Variants in CDKAL1 observed in about 807,000 individuals in gnomAD.
The protein encoded by CDKAL1 is threonylcarbamoyladenosine tRNA methylthiotransferase.
Under a neutral mutation model 68.2 loss-of-function variants are expected in CDKAL1, and 32 were observed. That is an observed-to-expected ratio of 0.47 (90% CI 0.35 to 0.63). The LOEUF (loss-of-function observed/expected upper bound fraction) is 0.63. Among genes scored for constraint, CDKAL1 ranks in the 30% least tolerant of loss-of-function variants. The pLI is 0.00. For synonymous variants in CDKAL1, 234 were observed against 244.3 expected (o/e 0.96, Z 0.39); for missense variants, 606 against 696.7 (o/e 0.87, Z 1.47).
intron 13 of CDKAL1, among the ~76,000 whole-genome samples, chr6:21,127,024 G>C (rs1775047303): frequency 6.6e-6 from 1 of 152,180 alleles, no homozygotes; most frequent in African/African-American, 2.4e-5. Flanking sequence ...ACGAAGAAGA[G>C]AGATGGCATC....
intron 10 of CDKAL1, among the ~76,000 whole-genome samples, chr6:20,973,539 G>A (rs898862312): frequency 1.3e-5 from 2 of 152,180 alleles, no homozygotes; most frequent in African/African-American, 4.8e-5. Flanking sequence ...GTTCACTGGG[G>A]TCTCTGCTTC....
intron 13 of CDKAL1, among the ~76,000 whole-genome samples, chr6:21,178,668 C>G (rs80236496): frequency 6.6e-6 from 1 of 152,192 alleles, no homozygotes; most frequent in Non-Finnish European, 1.5e-5. Context: ...AACTTAGTCT[C>G]TTGTACCACA....
chr6:20,556,174 G>T (rs963026095), intron 4 of CDKAL1, among the ~76,000 whole-genome samples: 2 of 151,944 alleles, frequency 1.3e-5, no homozygotes, highest in Non-Finnish European at 2.9e-5. Flanking sequence ...AGACCAGCCT[G>T]GCCAACATGG....
At chr6:20,916,155 A>T (rs934989076) in intron 9 of CDKAL1, among the ~76,000 whole-genome samples, 4 of 152,236 alleles carry the variant, frequency 2.6e-5, no homozygotes, top group Non-Finnish European at 5.9e-5. Context: ...ATAGAACCAC[A>T]GTCCCTTTCT....
chr6:21,190,592 C>A (rs886819141), intron 13 of CDKAL1, among the ~76,000 whole-genome samples: 1 of 152,292 alleles, frequency 6.6e-6, no homozygotes, highest in African/African-American at 2.4e-5. Flanking sequence ...GTCTTGAACT[C>A]CTGACCTCAG....
chr6:21,050,988 TA>T (rs1454221701), intron 11 of CDKAL1, among the ~76,000 whole-genome samples: 2 of 152,252 alleles, frequency 1.3e-5, no homozygotes, highest in Non-Finnish European at 2.9e-5. Context: ...CATGTATTTT[TA>T]TTATATTCAG....
chr6:20,643,891 C>T (rs1018451203), intron 4 of CDKAL1, among the ~76,000 whole-genome samples: 1 of 152,128 alleles, frequency 6.6e-6, no homozygotes, highest in Non-Finnish European at 1.5e-5. Context: ...GTGGTGCAAT[C>T]ACAGTTCACT....
intron 5 of CDKAL1, among the ~76,000 whole-genome samples, chr6:20,684,139 A>G (rs1770509999): frequency 6.6e-6 from 1 of 152,184 alleles, no homozygotes; most frequent in Non-Finnish European, 1.5e-5. Flanking sequence ...AGTTTTGGCA[A>G]TTATGAATAA....
intron 11 of CDKAL1, among the ~76,000 whole-genome samples, chr6:21,009,760 G>A (rs183488285): frequency 3.3e-5 from 5 of 152,256 alleles, no homozygotes; most frequent in African/African-American, 4.8e-5. Context: ...GACAAATACC[G>A]CGTGTTCTCA....
At chr6:20,684,150 A>G (rs751430832) in intron 5 of CDKAL1, among the ~76,000 whole-genome samples, 3 of 152,216 alleles carry the variant, frequency 2.0e-5, no homozygotes, top group Non-Finnish European at 4.4e-5. Context: ...TTATGAATAA[A>G]GCTGCTTTAG....
At chr6:20,780,993 G>A (rs535787987) in intron 7 of CDKAL1, 152 bp from the exon 8 acceptor site, 1 of 742,088 alleles carries the variant, frequency 1.3e-6, no homozygotes, top group Admixed American at 3.3e-5. Context: ...CCTTTTGACA[G>A]TATTTCTGAA....
intron 12 of CDKAL1, among the ~76,000 whole-genome samples, chr6:21,090,435 T>G (rs903068478): frequency 6.6e-6 from 1 of 152,210 alleles, no homozygotes; most frequent in African/African-American, 2.4e-5. Context: ...GTTTCTTCTG[T>G]CTTTGAACAC....
At chr6:20,777,117 C>T (rs1468491549) in intron 7 of CDKAL1, among the ~76,000 whole-genome samples, 1 of 152,222 alleles carries the variant, frequency 6.6e-6, no homozygotes, top group East Asian at 1.9e-4. Flanking sequence ...GCTTGTGAAA[C>T]TCTCCACATA....
chr6:20,855,047 T>A (rs561792350), intron 9 of CDKAL1, among the ~76,000 whole-genome samples: 73 of 152,204 alleles, frequency 4.8e-4, no homozygotes, highest in Non-Finnish European at 7.2e-4. Flanking sequence ...AGTTTTCACA[T>A]AGGGAGTGGT....
chr6:21,015,937 G>T (rs778375669), intron 11 of CDKAL1, among the ~76,000 whole-genome samples: 1 of 145,418 alleles, frequency 6.9e-6, no homozygotes, highest in African/African-American at 2.6e-5. Context: ...GACAGAGCGA[G>T]ACTCTGACTC....
rs186236383 is a variant in CDKAL1 at position 20,602,147 on chromosome 6, C to G, written c.287-47146C>G. Reference sequence around the variant, plus strand: ...GTATTATAATACTATTTTGTAGATGCAAAAACCAAGTCTTAAATAGGTGAA... The same window carrying G: ...GTATTATAATACTATTTTGTAGATGGAAAAACCAAGTCTTAAATAGGTGAA... On this transcript the variant is annotated intron_variant, in intron 4 of 15. Transcript: ENST00000274695. 1.8e-4 allele frequency among the ~76,000 whole-genome samples: 27 copies of G among 152,200 alleles called. No individual in the cohort carries two copies. The East Asian group carries it at 5.2e-3, about 29-fold the overall frequency.
chr6:20,714,032 A>G (rs1581430514), intron 5 of CDKAL1, among the ~76,000 whole-genome samples: 1 of 152,150 alleles, frequency 6.6e-6, no homozygotes, highest in African/African-American at 2.4e-5. Flanking sequence ...TTTAAAAATG[A>G]AAAATGCTTT....
In CDKAL1 at chr6:20,623,892, T is replaced by C. The variant is rs565606263; in HGVS notation, c.287-25401T>C. Among the ~76,000 whole-genome samples, 131 of 152,238 alleles carry C rather than the reference T, an allele frequency of 8.6e-4. 2 individuals carry two copies. In the South Asian group the frequency reaches 0.015, roughly 17 times the overall value. On this transcript the variant is annotated intron_variant, in intron 4 of 15. Transcript: ENST00000274695. Reference sequence around the variant, plus strand: ...TTCATCTGTAAAGTGGGGCTAATCATGTACTTGCCTTGTAGAATCCTTATA... The same window carrying C: ...TTCATCTGTAAAGTGGGGCTAATCACGTACTTGCCTTGTAGAATCCTTATA...
chr6:20,574,974 A>G (rs1241046972), intron 4 of CDKAL1, among the ~76,000 whole-genome samples: 7 of 152,194 alleles, frequency 4.6e-5, no homozygotes, highest in Admixed American at 4.6e-4. Flanking sequence ...TTTCATTTCA[A>G]ATGCATCCTC....
Sources: gnomAD v4.1 joint callset for allele counts (sites outside exome capture counted in the v4.1 genomes callset) on GRCh38, gnomAD v4.1.1 for gene constraint, MANE v1.5 for transcripts, NCBI Gene and HGNC (gene_info 2026-07-23, HGNC 2026-07-21) for gene names.